Variants in CYP51A1 observed in about 807,000 individuals in gnomAD.
CYP51A1 encodes the protein lanosterol 14-alpha demethylase.
Under a neutral mutation model 53.5 loss-of-function variants are expected in CYP51A1, and 45 were observed. The observed-to-expected ratio is 0.84, with a 90% CI of 0.66 to 1.08. The LOEUF (loss-of-function observed/expected upper bound fraction) is 1.08. Among genes scored for constraint, CYP51A1 ranks in the 50% least tolerant of loss-of-function variants. The probability of loss-of-function intolerance (pLI) is 0.00; values close to 1 mark genes in which losing one functional copy is unlikely to be tolerated. For missense variants in CYP51A1, 462 were observed against 621.7 expected, an observed-to-expected ratio of 0.74 and a Z score of 2.73; for synonymous variants, 181 against 217.7, an observed-to-expected ratio of 0.83 and a Z score of 1.48.
At chr7:92,134,092 G>GCCA in intron 1 of CYP51A1, 81 bp downstream of exon 1, 1 of 1,414,190 alleles carries the variant, frequency 7.1e-7, no homozygotes, top group Non-Finnish European at 9.8e-7. Flanking sequence ...GCCGGTCGGG[G>GCCA]CCACGGAGCC....
chr7:92,132,528 A>G (rs1345368869), intron 1 of CYP51A1, among the ~76,000 whole-genome samples: 1 of 152,080 alleles, frequency 6.6e-6, no homozygotes, highest in Non-Finnish European at 1.5e-5. Flanking sequence ...GAATTCCCAA[A>G]TGTGGAATTC....
At chr7:92,127,423 A>T in intron 4 of CYP51A1, 82 bp downstream of exon 4, 8 of 1,311,492 alleles carry the variant, frequency 6.1e-6, no homozygotes, top group Non-Finnish European at 6.3e-6. Context: ...TTTGTTTTTT[A>T]TATACTACAC....
intron 5 of CYP51A1, 74 bp downstream of exon 5, chr7:92,126,179 A>T: frequency 9.7e-7 from 1 of 1,033,478 alleles, no homozygotes; most frequent in Non-Finnish European, 1.3e-6. Context: ...TATCTTTGTT[A>T]AGGCAAAGCA....
In CYP51A1 at chr7:92,112,415, C is replaced by A. The variant is rs1819399444; in HGVS notation, c.*1250G>T. On this transcript the variant is annotated 3_prime_UTR_variant, in exon 10 of 10. Transcript: ENST00000003100. ...TGACCAATTTTATTACTCCCAAGGA[C>A]CTTGTTTCAGATTATCTTAAAACCA... 6.6e-6 allele frequency: 1 copy of A among 152,194 alleles called. No individual in the cohort carries two copies. The highest frequency in any genetic ancestry group is 6.5e-5 in the Admixed American group (1 of 15,274). 9.4% of individuals were successfully genotyped at this position (152,194 alleles called of 1,614,324 possible). A position where few individuals can be genotyped will look rare whatever the true frequency, so the allele number is the denominator to read the frequency against.
chr7:92,120,720 A>T (rs1185159118), intron 7 of CYP51A1, among the ~76,000 whole-genome samples: 3 of 152,234 alleles, frequency 2.0e-5, no homozygotes, highest in Non-Finnish European at 4.4e-5. Context: ...TTCATAATGG[A>T]TCAAAGACCT....
In CYP51A1 at chr7:92,128,933, G is replaced by A. The variant is rs758553106; in HGVS notation, c.415C>T (p.Arg139Cys). 6.2e-5 allele frequency: 100 copies of A among 1,612,350 alleles called. No homozygotes were observed. The highest frequency in any genetic ancestry group is 7.5e-5 in the Non-Finnish European group (89 of 1,179,830). ...EDLNAEDVYS[R>C]LTTPVFGKGV... Reference sequence around the variant, plus strand: ...TTCCCAAACACAGGTGTTGTCAGGCGACTGTAGACATCTTCTGCATTCAGG... The same window carrying A: ...TTCCCAAACACAGGTGTTGTCAGGCAACTGTAGACATCTTCTGCATTCAGG... Residue 139 changes from arginine to cysteine, a missense_variant, in exon 3 of 10, where the codon CGC (arginine) becomes TGC (cysteine). Arg to Cys is a radical substitution (Grantham distance 180). Coordinates refer to ENST00000003100, the MANE Select transcript of CYP51A1 (RefSeq NM_000786.4).
Position 92,112,373 on chromosome 7 carries a change from A to G in CYP51A1, c.*1292T>C, listed in dbSNP as rs1352934277. ...TGAGATAAGTTGATTCCTAAACAGA[A>G]TGTGCTTTACAGAATGTGACCAATT... On this transcript the variant is annotated 3_prime_UTR_variant, in exon 10 of 10. Transcript: ENST00000003100. The G allele has an allele frequency of 1.3e-5, 2 of 152,230 alleles. No homozygotes were observed. Among genetic ancestry groups the G allele is most frequent in the African/African-American group, 4.8e-5 (2 of 41,450 alleles). 9.4% of individuals were successfully genotyped at this position (152,230 alleles called of 1,614,324 possible).
At chr7:92,124,305 T>C (rs1006640839) in intron 5 of CYP51A1, among the ~76,000 whole-genome samples, 1 of 152,198 alleles carries the variant, frequency 6.6e-6, no homozygotes. Flanking sequence ...AATACAATAG[T>C]TTTTTGTAGG....
intron 2 of CYP51A1, among the ~76,000 whole-genome samples, chr7:92,131,046 C>T (rs1157807846): frequency 6.6e-6 from 1 of 152,088 alleles, no homozygotes; most frequent in East Asian, 1.9e-4. Context: ...ATTTAAAGTA[C>T]AGTATTGCCA....
chr7:92,129,107 A>T, intron 2 of CYP51A1, 51 bp from the exon 3 acceptor site: 1 of 1,231,306 alleles, frequency 8.1e-7, no homozygotes, highest in Non-Finnish European at 1.1e-6. Context: ...ATGCAACACT[A>T]CGACAGTAAC....
At position 92,113,212 on chromosome 7, in the gene CYP51A1, C is replaced by G. The variant is rs1819495254; in HGVS notation, c.*453G>C. ...CGATTATTCCCTACCCTTCCATCCT[C>G]ACACACACAATAATTGCCCAGATAA... On this transcript the variant is annotated 3_prime_UTR_variant, in exon 10 of 10. Transcript: ENST00000003100. 1 of 154,660 alleles carries G rather than the reference C, an allele frequency of 6.5e-6. No homozygotes were observed. The highest frequency in any genetic ancestry group is 1.4e-5 in the Non-Finnish European group (1 of 70,010). 9.6% of individuals were successfully genotyped at this position (154,660 alleles called of 1,614,324 possible).
intron 6 of CYP51A1, 143 bp from the exon 7 acceptor site, chr7:92,123,458 T>A: frequency 1.2e-6 from 1 of 819,680 alleles, no homozygotes; most frequent in Non-Finnish European, 1.9e-6. Context: ...AGAGTTTTTT[T>A]TCTCTTAGGG....
Position 92,113,758 on chromosome 7 carries a change from A to G in CYP51A1, c.1437T>C (p.Asp479=), listed in dbSNP as rs149576331. Residue 479 remains aspartate, a synonymous_variant, in exon 10 of 10, where the codon GAT becomes GAC. Transcript: ENST00000003100. ...CAGTGGGAAAGTATCCATCAATGAG[A>G]TCAAATTCATATAAACGAAGCATAG... ...WSTMLRLYEF[D]LIDGYFPTVN... The G allele has an allele frequency of 1.5e-4, 237 of 1,613,318 alleles. No individual in the cohort carries two copies. The Middle Eastern group carries it at 3.2e-3, about 22-fold the overall frequency.
chr7:92,117,688 G>A (rs930801294), intron 8 of CYP51A1, among the ~76,000 whole-genome samples: 2 of 152,136 alleles, frequency 1.3e-5, no homozygotes, highest in Non-Finnish European at 2.9e-5. Context: ...AACATGATTA[G>A]CATTAAAGAT....
In CYP51A1 at chr7:92,134,321, G is replaced by A. The variant is rs138006785; in HGVS notation, c.44C>T (p.Ala15Val). 144 of 1,597,892 alleles carry A rather than the reference G, an allele frequency of 9.0e-5. 1 individual carries two copies. In the African/African-American group the frequency reaches 1.6e-3, roughly 17 times the overall value. The change falls in exon 1 of 10, where the codon GCG (alanine) becomes GTG (valine). Residue 15 changes from alanine (A) to valine (V), a missense_variant. Coordinates refer to ENST00000003100, the MANE Select transcript of CYP51A1 (RefSeq NM_000786.4). The part of the protein sequence containing the change: ...AGMLLLGLLQ[A>V]GGSVLGQAME... The stretch of plus-strand genomic sequence containing the variant: ...CGCCTGGCCCAGCACCGACCCACCC[G>A]CCTGCAGCAAGCCCAGCAGCAGCAT...
intron 5 of CYP51A1, among the ~76,000 whole-genome samples, chr7:92,124,403 T>C (rs752196078): frequency 6.6e-6 from 1 of 152,180 alleles, no homozygotes; most frequent in Non-Finnish European, 1.5e-5. Flanking sequence ...GCAGGTACCA[T>C]GTTAAGTGTT....
At chr7:92,128,574 C>T (rs1017166040) in intron 3 of CYP51A1, among the ~76,000 whole-genome samples, 4 of 151,656 alleles carry the variant, frequency 2.6e-5, no homozygotes, top group Non-Finnish European at 5.9e-5. Flanking sequence ...ACCTCCGCCT[C>T]CTGGGTTCAA....
chr7:92,128,978 A>C lies in CYP51A1; in HGVS notation c.370T>G (p.Phe124Val). Reference sequence around the variant, plus strand: ...TTCAGGTCTTCATTTTTACTATTAAAAAGCAGTGCAGCAGCATCACTCCCC... The same window carrying C: ...TTCAGGTCTTCATTTTTACTATTAACAAGCAGTGCAGCAGCATCACTCCCC... Reference protein sequence around the residue: ...LLGSDAAALLFNSKNEDLNAE... With the variant: ...LLGSDAAALLVNSKNEDLNAE... Residue 124 changes from phenylalanine to valine, a missense_variant, in exon 3 of 10, where the codon TTT becomes GTT. By Grantham distance (50) the Phe-to-Val change is conservative (BLOSUM62 -1). Transcript: ENST00000003100. 1 of 1,613,848 alleles carries C rather than the reference A, an allele frequency of 6.2e-7. No individual in the cohort carries two copies. The highest frequency in any genetic ancestry group is 8.5e-7 in the Non-Finnish European group (1 of 1,179,926).
At chr7:92,117,466 TG>T in intron 8 of CYP51A1, 1 of 293,278 alleles carries the variant, frequency 3.4e-6, no homozygotes. Context: ...TAACTCAAGA[TG>T]ATTTCCAGTG....
Sources: gnomAD v4.1 joint callset for allele counts (sites outside exome capture counted in the v4.1 genomes callset) on GRCh38, gnomAD v4.1.1 for gene constraint, MANE v1.5 for transcripts, NCBI Gene and HGNC (gene_info 2026-07-23, HGNC 2026-07-21) for gene names.